ATRNL1: variants seen among roughly 807,000 people sequenced by gnomAD.
ATRNL1 encodes the protein attractin like 1.
A neutral mutation model predicts 182.7 loss-of-function variants in ATRNL1; 95 were observed. That is an observed-to-expected ratio of 0.52 (90% CI 0.44 to 0.62). ATRNL1 has a LOEUF of 0.62. ATRNL1 is among the 20% of genes least tolerant of loss of function. ATRNL1 has a pLI of 0.00. For synonymous variants in ATRNL1, 576 were observed against 568.3 expected (o/e 1.01, Z -0.19); for missense variants, 1,471 against 1,679.5 (o/e 0.88, Z 2.17).
At chr10:115,363,611 G>A (rs1245998569) in intron 19 of ATRNL1, among the ~76,000 whole-genome samples, 1 of 150,590 alleles carries the variant, frequency 6.6e-6, no homozygotes, top group Non-Finnish European at 1.5e-5. Context: ...TGTCCTGAAT[G>A]GTAATGCCTA....
At chr10:115,468,389 G>A (rs1848154181) in intron 23 of ATRNL1, among the ~76,000 whole-genome samples, 1 of 150,780 alleles carries the variant, frequency 6.6e-6, no homozygotes, top group Non-Finnish European at 1.5e-5. Flanking sequence ...CAGATTTGGA[G>A]ATGAAGTCAT....
intron 20 of ATRNL1, among the ~76,000 whole-genome samples, chr10:115,422,670 T>A (rs1053693731): frequency 1.3e-5 from 2 of 152,168 alleles, no homozygotes; most frequent in Non-Finnish European, 2.9e-5. Context: ...GACCCAGCAA[T>A]GGAACACTTG....
At chr10:115,453,124 G>T (rs554405293) in intron 21 of ATRNL1, among the ~76,000 whole-genome samples, 1 of 152,046 alleles carries the variant, frequency 6.6e-6, no homozygotes, top group East Asian at 1.9e-4. Context: ...TCCATGTCTT[G>T]TCTATTGAGA....
intron 25 of ATRNL1, among the ~76,000 whole-genome samples, chr10:115,534,036 T>G (rs1851788096): frequency 6.6e-6 from 1 of 151,456 alleles, no homozygotes; most frequent in Non-Finnish European, 1.5e-5. Flanking sequence ...ATGTGGTCAA[T>G]TTTGGAATAG....
Position 115,281,338 on chromosome 10 carries a change from C to T in ATRNL1, c.2101-17C>T. 1 of 1,602,490 alleles carries T rather than the reference C, an allele frequency of 6.2e-7. No homozygotes were observed. The highest frequency in any genetic ancestry group is 8.5e-7 in the Non-Finnish European group (1 of 1,174,580). On this transcript the variant is annotated splice_polypyrimidine_tract_variant and intron_variant, in intron 13 of 28. Coordinates refer to ENST00000355044, the MANE Select transcript of ATRNL1 (RefSeq NM_207303.4). Reference sequence around the variant, plus strand: ...CTGTACAAAGGTGAAAAATAACATGCTCTTTTAATTTTGTAGTCTGTCAAG... The same window carrying T: ...CTGTACAAAGGTGAAAAATAACATGTTCTTTTAATTTTGTAGTCTGTCAAG...
At chr10:115,845,031 C>A (rs1589595139) in intron 27 of ATRNL1, among the ~76,000 whole-genome samples, 2 of 152,014 alleles carry the variant, frequency 1.3e-5, no homozygotes. Context: ...ATATAAAATT[C>A]TGTATTGAAA....
At chr10:115,261,924 A>G (rs1481097688) in intron 10 of ATRNL1, among the ~76,000 whole-genome samples, 8 of 152,120 alleles carry the variant, frequency 5.3e-5, no homozygotes, top group African/African-American at 7.2e-5. Flanking sequence ...ACAAAATTAT[A>G]ATATAAATGT....
chr10:115,531,947 G>A (rs28773547), intron 25 of ATRNL1, among the ~76,000 whole-genome samples: 15,781 of 133,718 alleles, frequency 0.12, 1,066 homozygotes, highest in Non-Finnish European at 0.18. Flanking sequence ...GTAGATATGC[G>A]GCATTATTTC....
intron 20 of ATRNL1, among the ~76,000 whole-genome samples, chr10:115,415,802 A>G (rs1484224701): frequency 3.3e-5 from 5 of 151,940 alleles, no homozygotes; most frequent in Non-Finnish European, 7.4e-5. Context: ...GTCTTAATTT[A>G]TTATGAGGAC....
At chr10:115,855,589 G>C (rs1281417978) in intron 28 of ATRNL1, among the ~76,000 whole-genome samples, 1 of 152,046 alleles carries the variant, frequency 6.6e-6, no homozygotes, top group African/African-American at 2.4e-5. Context: ...AAATTTTGGA[G>C]ACTCTTCACC....
intron 1 of ATRNL1, among the ~76,000 whole-genome samples, chr10:115,115,028 A>T (rs1159573974): frequency 1.3e-5 from 2 of 152,192 alleles, no homozygotes; most frequent in Non-Finnish European, 2.9e-5. Flanking sequence ...GTATATATAC[A>T]TAATGAAATA....
At chr10:115,250,159 G>A (rs1451111378) in intron 10 of ATRNL1, among the ~76,000 whole-genome samples, 1 of 152,104 alleles carries the variant, frequency 6.6e-6, no homozygotes, top group African/African-American at 2.4e-5. Context: ...CTGTGTTTCT[G>A]CTCATACTTG....
intron 8 of ATRNL1, among the ~76,000 whole-genome samples, chr10:115,208,166 G>A (rs546143492): frequency 4.6e-5 from 7 of 151,806 alleles, no homozygotes; most frequent in Admixed American, 1.3e-4. Context: ...TCATTTATAG[G>A]CATTCTATTA....
chr10:115,576,143 G>A (rs1489120827), intron 26 of ATRNL1, among the ~76,000 whole-genome samples: 1 of 151,942 alleles, frequency 6.6e-6, no homozygotes, highest in African/African-American at 2.4e-5. Flanking sequence ...TGCGTTGATG[G>A]ACACCTGAGT....
At chr10:115,673,130 G>A (rs1945751544) in intron 26 of ATRNL1, among the ~76,000 whole-genome samples, 1 of 152,018 alleles carries the variant, frequency 6.6e-6, no homozygotes, top group African/African-American at 2.4e-5. Context: ...TGTCACCAGG[G>A]CATTCTGATG....
intron 26 of ATRNL1, among the ~76,000 whole-genome samples, chr10:115,677,067 T>C (rs1227950275): frequency 2.0e-5 from 3 of 152,138 alleles, no homozygotes; most frequent in Non-Finnish European, 4.4e-5. Flanking sequence ...GTACCCAGCA[T>C]AATGTCTTAC....
intron 27 of ATRNL1, among the ~76,000 whole-genome samples, chr10:115,728,298 CAAAAAAAAAA>C (rs58437496): frequency 5.1e-4 from 30 of 58,784 alleles, no homozygotes; most frequent in African/African-American, 2.1e-3. Context: ...GACTCCGCCT[CAAAAAAAAAA>C]AAAAAAAAAA....
intron 28 of ATRNL1, among the ~76,000 whole-genome samples, chr10:115,940,077 G>A (rs1555123830): frequency 6.6e-6 from 1 of 152,204 alleles, no homozygotes; most frequent in Non-Finnish European, 1.5e-5. Flanking sequence ...AAGGGAGTCA[G>A]CCACTTTCAC....
chr10:115,929,222 C>T (rs1730409221), intron 28 of ATRNL1, among the ~76,000 whole-genome samples: 1 of 151,270 alleles, frequency 6.6e-6, no homozygotes, highest in African/African-American at 2.5e-5. Flanking sequence ...TTTGATTACA[C>T]TTATTTCTTA....
Sources: allele counts gnomAD v4.1 joint callset (sites outside exome capture counted in the v4.1 genomes callset), GRCh38; gene constraint gnomAD v4.1.1; transcripts MANE v1.5; gene names NCBI Gene and HGNC (gene_info 2026-07-23, HGNC 2026-07-21).